PALLD: variants seen among roughly 807,000 people sequenced by gnomAD.
PALLD encodes palladin, cytoskeletal associated protein, also known as palladin.
In PALLD, 61 loss-of-function variants were observed where a neutral mutation model predicts 123.5. That is an observed-to-expected ratio of 0.49 (90% CI 0.40 to 0.61). The LOEUF (loss-of-function observed/expected upper bound fraction) is 0.61, where lower values mean the gene tolerates loss of function less well. Ranked by LOEUF, PALLD falls within the 20% of genes least tolerant of loss-of-function variation. The pLI, the probability that PALLD is intolerant of heterozygous loss-of-function variation, is 0.00. For missense variants in PALLD, 1,273 were observed against 1,377.0 expected (o/e 0.92, Z 1.20); for synonymous variants, 465 against 496.4 (o/e 0.94, Z 0.84).
intron 10 of PALLD, among the ~76,000 whole-genome samples, chr4:168,755,368 A>C (rs1021289708): frequency 2.0e-5 from 3 of 152,196 alleles, no homozygotes; most frequent in Admixed American, 6.5e-5. Flanking sequence ...CAAACCATGC[A>C]GAAATCTGGG....
At chr4:168,812,862 C>G (rs1188216920) in intron 10 of PALLD, among the ~76,000 whole-genome samples, 1 of 152,092 alleles carries the variant, frequency 6.6e-6, no homozygotes, top group East Asian at 1.9e-4. Context: ...CCTTCTTTCC[C>G]CATCAAAACC....
chr4:168,918,190 CAAAA>C (rs567095866), intron 17 of PALLD, among the ~76,000 whole-genome samples: 1 of 118,062 alleles, frequency 8.5e-6, no homozygotes. Flanking sequence ...GTCTCCCCCA[CAAAA>C]AAAAAAAAAG....
In PALLD at chr4:168,800,679, C is replaced by T. The variant is rs116703018; in HGVS notation, c.1964+88756C>T. Among the ~76,000 whole-genome samples, 363 of 152,066 alleles carry T rather than the reference C, an allele frequency of 2.4e-3. 1 individual carries two copies. The highest frequency in any genetic ancestry group is 8.3e-3 in the African/African-American group (343 of 41,470). ...AGTGGGAGTATAAATTGTTAAAAAC[C>T]ACGTTGGAAAAGAGTTTGGCATAAT... On this transcript the variant is annotated intron_variant, in intron 10 of 21. Coordinates refer to ENST00000505667, the MANE Select transcript of PALLD (RefSeq NM_001166108.2).
intron 10 of PALLD, among the ~76,000 whole-genome samples, chr4:168,748,309 G>A (rs1181131826): frequency 1.3e-5 from 2 of 152,100 alleles, no homozygotes; most frequent in African/African-American, 4.8e-5. Flanking sequence ...GAAACTCTGG[G>A]GTGGGACCTG....
At chr4:168,510,421 T>C (rs1221594848) in intron 1 of PALLD, among the ~76,000 whole-genome samples, 1 of 152,138 alleles carries the variant, frequency 6.6e-6, no homozygotes, top group East Asian at 1.9e-4. Context: ...AAAAGCCTTA[T>C]CAAAATTTTA....
intron 1 of PALLD, among the ~76,000 whole-genome samples, chr4:168,500,482 G>A (rs909878014): frequency 2.5e-4 from 38 of 152,204 alleles, no homozygotes; most frequent in African/African-American, 9.2e-4. Flanking sequence ...TCCCACCTCA[G>A]CCTCTGGAGT....
intron 10 of PALLD, among the ~76,000 whole-genome samples, chr4:168,850,900 G>A (rs1240742654): frequency 6.6e-6 from 1 of 152,136 alleles, no homozygotes; most frequent in Non-Finnish European, 1.5e-5. Flanking sequence ...TACAAAATAA[G>A]CTCTTTTTAC....
chr4:168,637,088 G>A (rs1300154319), intron 2 of PALLD, among the ~76,000 whole-genome samples: 2 of 152,150 alleles, frequency 1.3e-5, no homozygotes, highest in Non-Finnish European at 2.9e-5. Context: ...TGGAGAGTGC[G>A]ATGACTACAA....
chr4:168,741,472 G>A (rs1300935298), intron 10 of PALLD, among the ~76,000 whole-genome samples: 1 of 151,960 alleles, frequency 6.6e-6, no homozygotes, highest in South Asian at 2.1e-4. Flanking sequence ...AGGCCAAGGA[G>A]TTTGAGACCA....
At chr4:168,874,788 A>G (rs1751521965) in intron 10 of PALLD, among the ~76,000 whole-genome samples, 2 of 152,136 alleles carry the variant, frequency 1.3e-5, no homozygotes, top group African/African-American at 2.4e-5. Flanking sequence ...TGTTACTTAA[A>G]ACCAGTCTTC....
intron 10 of PALLD, among the ~76,000 whole-genome samples, chr4:168,831,456 C>T (rs1419762502): frequency 6.6e-6 from 1 of 152,178 alleles, no homozygotes; most frequent in African/African-American, 2.4e-5. Flanking sequence ...TTACACAGAA[C>T]CCAGTAAACT....
intron 10 of PALLD, among the ~76,000 whole-genome samples, chr4:168,857,909 C>T (rs1297718397): frequency 2.0e-5 from 3 of 152,228 alleles, no homozygotes; most frequent in African/African-American, 4.8e-5. Context: ...GAATGACATG[C>T]GCTTTCCTAA....
intron 2 of PALLD, among the ~76,000 whole-genome samples, chr4:168,543,505 A>G (rs542440302): frequency 6.6e-6 from 1 of 152,006 alleles, no homozygotes; most frequent in African/African-American, 2.4e-5. Context: ...AGAGAGAGAC[A>G]TTTCTACCTC....
intron 10 of PALLD, among the ~76,000 whole-genome samples, chr4:168,835,826 G>A (rs549672583): frequency 3.3e-5 from 5 of 152,230 alleles, no homozygotes; most frequent in East Asian, 3.9e-4. Flanking sequence ...AGCCTCCTGA[G>A]TAGCTTGGAT....
intron 3 of PALLD, among the ~76,000 whole-genome samples, chr4:168,677,300 T>C (rs1780958302): frequency 6.6e-6 from 1 of 151,670 alleles, no homozygotes; most frequent in Admixed American, 6.6e-5. Context: ...GAGAGGGAGA[T>C]TTGATCTGCC....
At chr4:168,565,493 C>T (rs971319461) in intron 2 of PALLD, among the ~76,000 whole-genome samples, 5 of 152,048 alleles carry the variant, frequency 3.3e-5, no homozygotes, top group Admixed American at 1.3e-4. Flanking sequence ...AGAAAGAACA[C>T]GGTGCATTCA....
In PALLD at chr4:168,749,951, C is replaced by CTT. The variant is rs796821239; in HGVS notation, c.1964+38039_1964+38040dup. On this transcript the variant is annotated intron_variant, in intron 10 of 21. Coordinates refer to ENST00000505667, the MANE Select transcript of PALLD (RefSeq NM_001166108.2). ...ATGTGTACCCAGTGCTTAGTTTCCACTTTTTTTTTTTTCAAGTTGGAGTCT... is the reference window on the plus strand; with the variant it reads ...ATGTGTACCCAGTGCTTAGTTTCCACTTTTTTTTTTTTTTCAAGTTGGAGTCT... 4.2e-5 allele frequency among the ~76,000 whole-genome samples: 6 copies of CTT among 141,704 alleles called. No individual in the cohort carries two copies. The South Asian group carries it at 7.0e-4, about 17-fold the overall frequency. The allele number at this position is 141,704 out of a possible 152,430, so 93.0% of individuals were successfully genotyped here. A position where few individuals can be genotyped will look rare whatever the true frequency, so the allele number is the denominator to read the frequency against.
chr4:168,833,506 G>A (rs987652764), intron 10 of PALLD, among the ~76,000 whole-genome samples: 1 of 152,150 alleles, frequency 6.6e-6, no homozygotes, highest in African/African-American at 2.4e-5. Context: ...AAGCTTCAGA[G>A]ACATGGAATA....
At chr4:168,706,169 G>T (rs1784210599) in intron 8 of PALLD, among the ~76,000 whole-genome samples, 1 of 151,994 alleles carries the variant, frequency 6.6e-6, no homozygotes, top group Non-Finnish European at 1.5e-5. Flanking sequence ...ATTCCTCCTT[G>T]CCCCCAATGC....
Sources: allele counts gnomAD v4.1 joint callset (sites outside exome capture counted in the v4.1 genomes callset), GRCh38; gene constraint gnomAD v4.1.1; transcripts MANE v1.5; gene names NCBI Gene and HGNC (gene_info 2026-07-23, HGNC 2026-07-21).